Variants in RPS6KA5 observed in about 807,000 individuals in gnomAD.
The protein encoded by RPS6KA5 is ribosomal protein S6 kinase alpha-5.
RPS6KA5 carries 27 observed loss-of-function variants against 85.5 expected under a neutral mutation model. That is an observed-to-expected ratio of 0.32 (90% confidence interval 0.23 to 0.44). RPS6KA5 has a LOEUF of 0.44. Ranked by LOEUF, RPS6KA5 falls within the 20% of genes least tolerant of loss-of-function variation. The pLI is 1.00. For synonymous variants in RPS6KA5, 334 were observed against 348.2 expected (o/e 0.96, Z 0.46); for missense variants, 811 against 980.9 (o/e 0.83, Z 2.31).
At position 90,900,112 on chromosome 14, in the gene RPS6KA5, T is replaced by C. The variant is rs201610483; in HGVS notation, c.1375A>G (p.Lys459Glu). The change falls in exon 11 of 17, where the codon AAA becomes GAA. Residue 459 changes from lysine to glutamate, a missense_variant. Coordinates refer to ENST00000614987, the MANE Select transcript of RPS6KA5 (RefSeq NM_004755.4). ...TTATATTAAAAATGGTCATACCTTT[T>C]GCTGATTATTTTGACTGCAAAAGCT... ...NQAFAVKIIS[K>E]RMEANTQKEI... 142 of 1,597,232 alleles carry C rather than the reference T, an allele frequency of 8.9e-5. No homozygotes were observed. Among genetic ancestry groups the C allele is most frequent in the East Asian group, 4.7e-4 (21 of 44,294 alleles).
chr14:90,978,618 A>G, intron 2 of RPS6KA5, 94 bp from the exon 3 acceptor site: 1 of 938,510 alleles, frequency 1.1e-6, no homozygotes, highest in Non-Finnish European at 1.6e-6. Context: ...CACAAAAAAT[A>G]CACTCTTTAA....
chr14:90,927,907 T>C (rs574336429), intron 5 of RPS6KA5, among the ~76,000 whole-genome samples: 1 of 149,970 alleles, frequency 6.7e-6, no homozygotes, highest in African/African-American at 2.5e-5. Context: ...TTCAGGCATA[T>C]GTCTTTTTTC....
chr14:90,894,717 A>C, intron 12 of RPS6KA5, 134 bp from the exon 13 acceptor site: 1 of 1,082,508 alleles, frequency 9.2e-7, no homozygotes, highest in Non-Finnish European at 1.3e-6. Context: ...GGCAATCCTC[A>C]TATCTTAGAG....
chr14:91,004,453 A>C (rs1383420582), intron 1 of RPS6KA5, among the ~76,000 whole-genome samples: 1 of 152,202 alleles, frequency 6.6e-6, no homozygotes, highest in Non-Finnish European at 1.5e-5. Context: ...AATAGTCCTC[A>C]AAGTTATTGT....
chr14:90,899,515 C>A, intron 11 of RPS6KA5, 93 bp from the exon 12 acceptor site: 1 of 799,692 alleles, frequency 1.3e-6, no homozygotes. Flanking sequence ...ATTTACAGTG[C>A]ATTCAGAATA....
At chr14:91,005,282 C>A (rs1005821039) in intron 1 of RPS6KA5, among the ~76,000 whole-genome samples, 2 of 152,062 alleles carry the variant, frequency 1.3e-5, no homozygotes, top group Admixed American at 1.3e-4. Context: ...TTAGCCTTTA[C>A]TTTACTTCAA....
intron 8 of RPS6KA5, 51 bp downstream of exon 8, chr14:90,906,098 C>T: frequency 8.0e-6 from 12 of 1,498,532 alleles, no homozygotes; most frequent in Non-Finnish European, 1.1e-5. Flanking sequence ...ACGCCAAGGA[C>T]CCTGAAAACG....
chr14:90,982,722 T>G (rs1292580032), intron 2 of RPS6KA5, among the ~76,000 whole-genome samples: 8 of 152,226 alleles, frequency 5.3e-5, no homozygotes, highest in Admixed American at 3.3e-4. Flanking sequence ...CTCACGCCTC[T>G]AATCCCAGCA....
Position 90,882,319 on chromosome 14 carries a change from T to C in RPS6KA5, c.1837-6959A>G, listed in dbSNP as rs183122747. Among the ~76,000 whole-genome samples the C allele has an allele frequency of 2.0e-5, 3 of 152,374 alleles. No individual in the cohort carries two copies. In the East Asian group the frequency reaches 5.8e-4, roughly 29 times the overall value. On this transcript the variant is annotated intron_variant, in intron 14 of 16. Coordinates refer to ENST00000614987, the MANE Select transcript of RPS6KA5 (RefSeq NM_004755.4). ...TGTTTATGTTACAAAACTACATCTT[T>C]ATACACTGTGTGCCCCAAAACAAAC...
chr14:91,049,048 G>A (rs780632407), intron 1 of RPS6KA5, among the ~76,000 whole-genome samples: 3 of 152,112 alleles, frequency 2.0e-5, no homozygotes, highest in Middle Eastern at 3.2e-3. Flanking sequence ...GCTTTTCCCC[G>A]CTACAGACTA....
chr14:90,991,214 G>A (rs76461278), intron 2 of RPS6KA5, among the ~76,000 whole-genome samples: 3 of 152,230 alleles, frequency 2.0e-5, no homozygotes, highest in Non-Finnish European at 4.4e-5. Context: ...TGTATATTAC[G>A]TATAACAGCA....
At chr14:90,998,760 A>G (rs2040644223) in intron 2 of RPS6KA5, among the ~76,000 whole-genome samples, 2 of 152,218 alleles carry the variant, frequency 1.3e-5, no homozygotes, top group South Asian at 4.1e-4. Flanking sequence ...TGACAATAAC[A>G]TGCTTAGTTG....
In RPS6KA5 at chr14:90,866,461, C is replaced by T. The variant is rs1211356253; in HGVS notation, c.*5613G>A. The T allele has an allele frequency of 6.6e-6, 1 of 152,178 alleles. No individual in the cohort carries two copies. The highest frequency in any genetic ancestry group is 6.5e-5 in the Admixed American group (1 of 15,270). 9.4% of individuals were successfully genotyped at this position (152,178 alleles called of 1,614,324 possible). On this transcript the variant is annotated 3_prime_UTR_variant, in exon 17 of 17. Transcript: ENST00000614987. ...CCGGCCAGGGTGACAGAGTGAGACC[C>T]TGTCTCACACAAAGGCAACTCATTT...
At chr14:90,953,257 A>G (rs887176871) in intron 3 of RPS6KA5, among the ~76,000 whole-genome samples, 1 of 152,232 alleles carries the variant, frequency 6.6e-6, no homozygotes, top group Non-Finnish European at 1.5e-5. Context: ...ATCTCTGAAC[A>G]TAAATTGTGA....
Position 90,890,567 on chromosome 14 carries a change from G to C in RPS6KA5, c.1756C>G (p.Leu586Val), listed in dbSNP as rs2034493835. 1 of 1,614,204 alleles carries C rather than the reference G, an allele frequency of 6.2e-7. No individual in the cohort carries two copies. The highest frequency in any genetic ancestry group is 1.3e-5 in the African/African-American group (1 of 75,056). The change falls in exon 14 of 17, where the codon CTT (leucine) becomes GTT (valine). Residue 586 changes from leucine to valine, a missense_variant. This residue lies in a region of RPS6KA5 where 650 missense variants were observed against 793.4 expected (regional missense o/e 0.82). Coordinates refer to ENST00000614987, the MANE Select transcript of RPS6KA5 (RefSeq NM_004755.4). Reference protein sequence around the residue: ...NQPLKTPCFTLHYAAPELLNQ... With the variant: ...NQPLKTPCFTVHYAAPELLNQ... ...AAGAGCTCTGGGGCGGCATAATGAA[G>C]GGTGAAGCATGGAGTCTTCAGGGGC...
chr14:90,937,039 T>A (rs1414284553), intron 5 of RPS6KA5, among the ~76,000 whole-genome samples: 1 of 150,650 alleles, frequency 6.6e-6, no homozygotes, highest in African/African-American at 2.4e-5. Flanking sequence ...GAGTACAGCA[T>A]AAAAAAAAGA....
intron 13 of RPS6KA5, among the ~76,000 whole-genome samples, chr14:90,891,180 G>A (rs918963912): frequency 4.6e-5 from 7 of 150,934 alleles, no homozygotes; most frequent in Admixed American, 1.3e-4. Flanking sequence ...CCTTATTTTT[G>A]ACCCTACCCC....
At chr14:90,937,770 A>C (rs2037349065) in intron 5 of RPS6KA5, among the ~76,000 whole-genome samples, 1 of 152,130 alleles carries the variant, frequency 6.6e-6, no homozygotes, top group Non-Finnish European at 1.5e-5. Context: ...ATCTTGCAAG[A>C]CTTACTCATT....
intron 2 of RPS6KA5, among the ~76,000 whole-genome samples, chr14:90,984,139 C>T (rs933354716): frequency 1.3e-5 from 2 of 152,218 alleles, no homozygotes; most frequent in Admixed American, 6.5e-5. Context: ...AGCCACCACA[C>T]TCGGCCTGAG....
Sources: gnomAD v4.1 joint callset for allele counts (sites outside exome capture counted in the v4.1 genomes callset) on GRCh38, gnomAD v4.1.1 for gene constraint, gnomAD v4.1.1 regional missense constraint, MANE v1.5 for transcripts, NCBI Gene and HGNC (gene_info 2026-07-23, HGNC 2026-07-21) for gene names.